Variants in ZNF385B observed in about 807,000 individuals in gnomAD.
The protein encoded by ZNF385B is zinc finger protein 533.
In ZNF385B, 23 loss-of-function variants were observed where a neutral mutation model predicts 39.2. The ratio of observed to expected loss-of-function variants is 0.59; its 90% CI spans 0.42 to 0.83. The LOEUF (loss-of-function observed/expected upper bound fraction) is 0.83, where lower values mean the gene tolerates loss of function less well. ZNF385B is among the 40% of genes least tolerant of loss of function. ZNF385B has a pLI of 0.00. For missense variants in ZNF385B, 552 were observed against 598.9 expected (o/e 0.92, Z 0.82); for synonymous variants, 205 against 222.6 (o/e 0.92, Z 0.70).
intron 3 of ZNF385B, among the ~76,000 whole-genome samples, chr2:179,738,795 G>A (rs1344132693): frequency 6.6e-6 from 1 of 152,158 alleles, no homozygotes; most frequent in Non-Finnish European, 1.5e-5. Flanking sequence ...AACATCTACA[G>A]ATTTAATGGC....
chr2:179,747,389 C>A (rs937198274), intron 3 of ZNF385B, among the ~76,000 whole-genome samples: 3 of 152,008 alleles, frequency 2.0e-5, no homozygotes, highest in Non-Finnish European at 4.4e-5. Context: ...ACACAATTGC[C>A]CCTCACAGTC....
At chr2:179,628,801 A>T (rs1374095123) in intron 3 of ZNF385B, among the ~76,000 whole-genome samples, 1 of 152,202 alleles carries the variant, frequency 6.6e-6, no homozygotes, top group Non-Finnish European at 1.5e-5. Context: ...CAGACATTTT[A>T]CGTATCAACT....
chr2:179,464,682 C>T (rs538719466), intron 6 of ZNF385B, among the ~76,000 whole-genome samples: 5 of 152,004 alleles, frequency 3.3e-5, no homozygotes, highest in Admixed American at 1.3e-4. Flanking sequence ...ATTTCTGAGG[C>T]CTCTGTTCTG....
At position 179,851,505 on chromosome 2, in the gene ZNF385B, C is replaced by T. The variant is rs922642344; in HGVS notation, c.-155+9596G>A. ...TCTATGAGGGCTGAATCAGGCTGAA[C>T]GTAGGGTTCAATCATAACATGACCC... On this transcript the variant is annotated intron_variant, in intron 1 of 9. Coordinates refer to ENST00000410066, the MANE Select transcript of ZNF385B (RefSeq NM_152520.6). Among the ~76,000 whole-genome samples, 8 of 152,154 alleles carry T rather than the reference C, an allele frequency of 5.3e-5. No individual in the cohort carries two copies. In the East Asian group the frequency reaches 7.7e-4, roughly 15 times the overall value.
intron 3 of ZNF385B, among the ~76,000 whole-genome samples, chr2:179,763,765 T>C (rs1253608055): frequency 1.3e-5 from 2 of 152,214 alleles, no homozygotes; most frequent in Non-Finnish European, 2.9e-5. Flanking sequence ...AGATATATTG[T>C]TTAATTTTCC....
chr2:179,714,421 C>T (rs1404979083), intron 3 of ZNF385B, among the ~76,000 whole-genome samples: 1 of 152,048 alleles, frequency 6.6e-6, no homozygotes, highest in Non-Finnish European at 1.5e-5. Context: ...GGATTTACAC[C>T]CAGCAGTCAG....
chr2:179,615,325 A>G (rs1272355291), intron 3 of ZNF385B, among the ~76,000 whole-genome samples: 1 of 152,224 alleles, frequency 6.6e-6, no homozygotes, highest in Non-Finnish European at 1.5e-5. Flanking sequence ...AGTATTCTCT[A>G]TTATATAGTG....
chr2:179,831,176 C>G (rs1456949022), intron 1 of ZNF385B, among the ~76,000 whole-genome samples: 1 of 152,078 alleles, frequency 6.6e-6, no homozygotes, highest in Non-Finnish European at 1.5e-5. Context: ...CAGGCAGTAT[C>G]AGTAGTAATA....
At chr2:179,601,173 A>T (rs914557937) in intron 3 of ZNF385B, among the ~76,000 whole-genome samples, 21 of 152,198 alleles carry the variant, frequency 1.4e-4, no homozygotes, top group Admixed American at 4.6e-4. Context: ...GACCCTGGGT[A>T]TATTTCTAAA....
intron 3 of ZNF385B, among the ~76,000 whole-genome samples, chr2:179,689,514 A>T (rs1698180225): frequency 6.6e-6 from 1 of 152,160 alleles, no homozygotes; most frequent in Non-Finnish European, 1.5e-5. Flanking sequence ...AACTTGGGAG[A>T]GAAAAGGAAG....
At chr2:179,846,472 T>C (rs1325068634) in intron 1 of ZNF385B, among the ~76,000 whole-genome samples, 1 of 152,192 alleles carries the variant, frequency 6.6e-6, no homozygotes, top group East Asian at 1.9e-4. Context: ...GTATCCTGCT[T>C]ATCTATTTGT....
chr2:179,736,439 T>C (rs541600481), intron 3 of ZNF385B, among the ~76,000 whole-genome samples: 14 of 152,320 alleles, frequency 9.2e-5, no homozygotes, highest in Admixed American at 2.0e-4. Context: ...TTTTACTATA[T>C]GGTGATTCTT....
chr2:179,585,487 C>T (rs1021173554), intron 3 of ZNF385B, among the ~76,000 whole-genome samples: 2 of 152,158 alleles, frequency 1.3e-5, no homozygotes, highest in African/African-American at 2.4e-5. Flanking sequence ...TCATTCTGCA[C>T]TATGATTATA....
chr2:179,687,469 A>G lies in ZNF385B; in HGVS notation c.298+82034T>C, dbSNP rs559891047. Among the ~76,000 whole-genome samples, 3 of 152,258 alleles carry G rather than the reference A, an allele frequency of 2.0e-5. No homozygotes were observed. In the South Asian group the frequency reaches 6.2e-4, roughly 32 times the overall value. ...TTTGTTGTATGACTAACTGGCTTGC[A>G]TTACTTCAAGCTATAGCTCAGTAGG... On this transcript the variant is annotated intron_variant, in intron 3 of 9. Coordinates refer to ENST00000410066, the MANE Select transcript of ZNF385B (RefSeq NM_152520.6).
chr2:179,727,384 C>A (rs1198976096), intron 3 of ZNF385B, among the ~76,000 whole-genome samples: 1 of 152,002 alleles, frequency 6.6e-6, no homozygotes, highest in Non-Finnish European at 1.5e-5. Context: ...TCTAAGCAAT[C>A]TTAGGATCTT....
intron 3 of ZNF385B, among the ~76,000 whole-genome samples, chr2:179,635,141 C>T (rs1407178751): frequency 2.8e-5 from 4 of 144,092 alleles, no homozygotes; most frequent in African/African-American, 1.0e-4. Flanking sequence ...AACTCCGTCT[C>T]AGAAAAAAAA....
intron 4 of ZNF385B, among the ~76,000 whole-genome samples, chr2:179,528,408 A>T (rs1574626936): frequency 6.6e-6 from 1 of 152,364 alleles, no homozygotes; most frequent in East Asian, 1.9e-4. Flanking sequence ...GTTGGCCTGG[A>T]ACTTGGTGAG....
At chr2:179,654,285 G>A (rs1693505726) in intron 3 of ZNF385B, among the ~76,000 whole-genome samples, 1 of 152,142 alleles carries the variant, frequency 6.6e-6, no homozygotes, top group Non-Finnish European at 1.5e-5. Context: ...TGCAAAAATA[G>A]AGTAAAACAT....
At chr2:179,539,854 A>G (rs1049256128) in intron 4 of ZNF385B, among the ~76,000 whole-genome samples, 1 of 152,184 alleles carries the variant, frequency 6.6e-6, no homozygotes, top group East Asian at 1.9e-4. Context: ...CTTGGTTTTT[A>G]TCTTGCTTTA....
Sources: gnomAD v4.1 joint callset for allele counts (sites outside exome capture counted in the v4.1 genomes callset) on GRCh38, gnomAD v4.1.1 for gene constraint, MANE v1.5 for transcripts, NCBI Gene and HGNC (gene_info 2026-07-23, HGNC 2026-07-21) for gene names.